Variants in CCDC3 observed in about 807,000 individuals in gnomAD.
The protein encoded by CCDC3 is coiled-coil domain containing 3.
A neutral mutation model predicts 21.4 loss-of-function variants in CCDC3; 24 were observed. The ratio of observed to expected loss-of-function variants is 1.12; its 90% CI spans 0.81 to 1.58. The LOEUF (loss-of-function observed/expected upper bound fraction) is 1.58. Among genes scored for constraint, CCDC3 ranks in the 40% most tolerant of loss-of-function variants. The pLI is 0.00. For synonymous variants in CCDC3, 186 were observed against 166.0 expected, an observed-to-expected ratio of 1.12 and a Z score of -0.93; for missense variants, 425 against 360.9, an observed-to-expected ratio of 1.18 and a Z score of -1.44.
chr10:12,997,730 G>A (rs964832133), intron 2 of CCDC3, among the ~76,000 whole-genome samples: 12 of 152,138 alleles, frequency 7.9e-5, no homozygotes, highest in Admixed American at 2.6e-4. Flanking sequence ...CGGCTCACAT[G>A]TATTGAGCAC....
At chr10:12,919,751 G>T (rs1834418737) in intron 2 of CCDC3, among the ~76,000 whole-genome samples, 1 of 151,240 alleles carries the variant, frequency 6.6e-6, no homozygotes, top group African/African-American at 2.4e-5. Flanking sequence ...AGTGCCCGGG[G>T]TGGGTGGGGG....
intron 2 of CCDC3, among the ~76,000 whole-genome samples, chr10:12,966,379 G>T (rs551946653): frequency 1.3e-5 from 2 of 152,128 alleles, no homozygotes; most frequent in African/African-American, 4.8e-5. Context: ...TCCCCAGCCT[G>T]CTAGTTTTTG....
chr10:12,998,016 C>A (rs531852044), intron 2 of CCDC3, among the ~76,000 whole-genome samples: 3 of 152,222 alleles, frequency 2.0e-5, no homozygotes, highest in Admixed American at 6.5e-5. Flanking sequence ...GTTGGACAAG[C>A]CTGATATAGA....
intron 2 of CCDC3, among the ~76,000 whole-genome samples, chr10:12,986,021 G>C (rs889275161): frequency 6.6e-6 from 1 of 152,160 alleles, no homozygotes; most frequent in African/African-American, 2.4e-5. Context: ...GACTACAGGC[G>C]CCCGCCACCA....
In CCDC3 at chr10:13,044,127, CAT is replaced by C. The variant is rs200201786; in HGVS notation, c.-2+5545_-2+5546del. 4.0e-3 allele frequency among the ~76,000 whole-genome samples: 606 copies of C among 152,162 alleles called. 4 individuals carry two copies. The highest frequency in any genetic ancestry group is 0.012 in the Admixed American group (180 of 15,290). ...TGATTAGTGATGTTGACCATTTTTT[CAT>C]ATGTTTGTTGGCCATTTGTACAGCT... is the stretch of plus-strand genomic sequence containing the variant. On this transcript the variant is annotated intron_variant, in intron 5 of 6. Coordinates refer to the CCDC3 transcript ENST00000378839.
intron 2 of CCDC3, among the ~76,000 whole-genome samples, chr10:12,916,488 G>A (rs1008248206): frequency 4.6e-5 from 7 of 151,452 alleles, no homozygotes; most frequent in African/African-American, 9.7e-5. Context: ...ATAGTATGGT[G>A]GGCTCAAAGC....
rs186759098 is a variant in CCDC3 at position 12,934,295 on chromosome 10, T to C, written c.550-35616A>G. ...GTTTAATTCCATTGTCGTCTTTCCATTGTTGTCTGAGAGCAGATATTATAT... is the reference window on the plus strand; with the variant it reads ...GTTTAATTCCATTGTCGTCTTTCCACTGTTGTCTGAGAGCAGATATTATAT... On this transcript the variant is annotated intron_variant, in intron 2 of 2. Coordinates refer to ENST00000378825, the MANE Select transcript of CCDC3 (RefSeq NM_031455.4). Among the ~76,000 whole-genome samples the C allele has an allele frequency of 1.4e-4, 21 of 152,336 alleles. 1 individual carries two copies. In the East Asian group the frequency reaches 3.7e-3, roughly 27 times the overall value.
Position 12,898,245 on chromosome 10 carries a change from C to T in CCDC3, c.*171G>A, listed in dbSNP as rs1834031946. On this transcript the variant is annotated 3_prime_UTR_variant, in exon 3 of 3. Transcript: ENST00000378825. ...CAGCGCGTGGGGTCTGACATTGAGG[C>T]CAGCACCCAAGGGGAAAGCAAGCCT... 2 of 797,742 alleles carry T rather than the reference C, an allele frequency of 2.5e-6. No individual in the cohort carries two copies. Among genetic ancestry groups the T allele is most frequent in the Non-Finnish European group, 3.9e-6 (2 of 517,490 alleles). The allele number at this position is 797,742 out of a possible 1,614,324, so 49.4% of individuals were successfully genotyped here.
intron 5 of CCDC3, among the ~76,000 whole-genome samples, chr10:13,043,709 T>A (rs1836490908): frequency 6.6e-6 from 1 of 152,264 alleles, no homozygotes; most frequent in African/African-American, 2.4e-5. Flanking sequence ...GGCTGCGTAG[T>A]ATTCCCTGGT....
At chr10:12,930,364 AG>A (rs1434534395) in intron 2 of CCDC3, among the ~76,000 whole-genome samples, 2 of 152,256 alleles carry the variant, frequency 1.3e-5, no homozygotes, top group Non-Finnish European at 1.5e-5. Context: ...TTTGAGGGAA[AG>A]TGTCACCTAA....
chr10:13,036,019 C>T (rs1330508731), intron 5 of CCDC3, among the ~76,000 whole-genome samples: 1 of 152,132 alleles, frequency 6.6e-6, no homozygotes, highest in Non-Finnish European at 1.5e-5. Context: ...TGATATGCAC[C>T]TGCAGTCCCG....
At chr10:12,909,883 TC>T (rs1460622901) in intron 2 of CCDC3, among the ~76,000 whole-genome samples, 3 of 152,144 alleles carry the variant, frequency 2.0e-5, no homozygotes, top group Non-Finnish European at 4.4e-5. Flanking sequence ...CTCCAGCTCT[TC>T]AACTGAAAAA....
intron 2 of CCDC3, among the ~76,000 whole-genome samples, chr10:12,920,684 C>T (rs866453991): frequency 1.6e-4 from 24 of 152,174 alleles, no homozygotes; most frequent in African/African-American, 5.8e-4. Context: ...AAGTTTTGAA[C>T]ACGTATCTTA....
intron 1 of CCDC3, 50 bp from the exon 2 acceptor site, chr10:12,998,562 A>C: frequency 6.4e-7 from 1 of 1,555,626 alleles, no homozygotes; most frequent in Non-Finnish European, 8.7e-7. Flanking sequence ...TCAAGGGTGT[A>C]CCAGCTCCAA....
chr10:13,003,588 A>G (rs1026553938), upstream of CCDC3, among the ~76,000 whole-genome samples: 1 of 152,174 alleles, frequency 6.6e-6, no homozygotes, highest in South Asian at 2.1e-4. Flanking sequence ...CTGACCTAAC[A>G]TTAATTTTGT....
chr10:13,002,819 A>C (rs1191657432), upstream of CCDC3, among the ~76,000 whole-genome samples: 1 of 152,212 alleles, frequency 6.6e-6, no homozygotes, highest in East Asian at 1.9e-4. Flanking sequence ...TTAAAGTGCT[A>C]GGGTTGGTTA....
intron 2 of CCDC3, among the ~76,000 whole-genome samples, chr10:12,945,253 AAAT>A (rs1439642840): frequency 6.6e-6 from 1 of 152,242 alleles, no homozygotes; most frequent in African/African-American, 2.4e-5. Context: ...AAATTACCAG[AAAT>A]AATACGGGAA....
intron 5 of CCDC3, among the ~76,000 whole-genome samples, chr10:13,029,541 C>G (rs1836270760): frequency 6.6e-6 from 1 of 152,054 alleles, no homozygotes; most frequent in South Asian, 2.1e-4. Flanking sequence ...ATAAACTTCT[C>G]CAAGCTAAAG....
At chr10:12,933,189 C>G (rs1199065293) in intron 2 of CCDC3, among the ~76,000 whole-genome samples, 1 of 152,150 alleles carries the variant, frequency 6.6e-6, no homozygotes, top group Non-Finnish European at 1.5e-5. Context: ...GAGAGATTCC[C>G]TCTACTTCTA....
Sources: gnomAD v4.1 joint callset for allele counts (sites outside exome capture counted in the v4.1 genomes callset) on GRCh38, gnomAD v4.1.1 for gene constraint, MANE v1.5 for transcripts, NCBI Gene and HGNC (gene_info 2026-07-23, HGNC 2026-07-21) for gene names.